The following RBM39 variants were observed in gnomAD, a reference collection of about 807,000 sequenced individuals.
The protein encoded by RBM39 is RNA binding motif protein 39, also known as RNA-binding protein 39.
A neutral mutation model predicts 79.6 loss-of-function variants in RBM39; 12 were observed. The ratio of observed to expected loss-of-function variants is 0.15; its 90% CI spans 0.10 to 0.24. The LOEUF (loss-of-function observed/expected upper bound fraction) is 0.24, where lower values mean the gene tolerates loss of function less well. Ranked by LOEUF, RBM39 falls within the 10% of genes least tolerant of loss-of-function variation. The probability of loss-of-function intolerance (pLI) is 1.00; values close to 1 mark genes in which losing one functional copy is unlikely to be tolerated. For missense variants in RBM39, 243 were observed against 653.4 expected, an observed-to-expected ratio of 0.37 and a Z score of 6.85; for synonymous variants, 185 against 208.4, an observed-to-expected ratio of 0.89 and a Z score of 0.97.
Position 35,702,707 on chromosome 20 carries a change from G to C in RBM39, c.*1774C>G, listed in dbSNP as rs572348112. On this transcript the variant is annotated 3_prime_UTR_variant, in exon 17 of 17. Transcript: ENST00000253363. ...TCCCGGCACTTTGGGAGGCCAAGGC[G>C]GACAGATCACTTGAGGTCAGTGTGA... 1 of 152,252 alleles carries C rather than the reference G, an allele frequency of 6.6e-6. No homozygotes were observed. Among genetic ancestry groups the C allele is most frequent in the African/African-American group, 2.4e-5 (1 of 41,458 alleles). 9.4% of individuals were successfully genotyped at this position (152,252 alleles called of 1,614,324 possible).
At chr20:35,724,827 A>T (rs2038455054) in intron 7 of RBM39, 105 bp from the exon 8 acceptor site, 22 of 1,346,532 alleles carry the variant, frequency 1.6e-5, no homozygotes, top group East Asian at 2.4e-5. Context: ...AAATTTAATT[A>T]AAAAAGTAAA....
At chr20:35,737,966 T>G (rs2040138786) in intron 3 of RBM39, among the ~76,000 whole-genome samples, 1 of 148,766 alleles carries the variant, frequency 6.7e-6, no homozygotes, top group Non-Finnish European at 1.5e-5. Context: ...CCATTCTGGC[T>G]AACACGGTGA....
chr20:35,742,022 G>A lies in RBM39; in HGVS notation c.-95C>T, dbSNP rs2040604138. 2.0e-5 allele frequency: 5 copies of A among 250,072 alleles called. No individual in the cohort carries two copies. The highest frequency in any genetic ancestry group is 4.7e-5 in the African/African-American group (2 of 42,354). The allele number at this position is 250,072 out of a possible 1,614,324, so 15.5% of individuals were successfully genotyped here. A position where few individuals can be genotyped will look rare whatever the true frequency, so the allele number is the denominator to read the frequency against. ...TGCTGCTGCTGCTGCCGCCGCCGCC[G>A]CTTCTGTTGCTACTGTTAAGCCCCT... On this transcript the variant is annotated 5_prime_UTR_variant, in exon 1 of 17. Transcript: ENST00000253363.
chr20:35,715,841 GGT>G (rs1443946725), intron 10 of RBM39, among the ~76,000 whole-genome samples: 1 of 151,920 alleles, frequency 6.6e-6, no homozygotes, highest in East Asian at 1.9e-4. Flanking sequence ...AATAGGCGAG[GGT>G]CCTTGCTCTG....
In RBM39 at chr20:35,734,896, T is replaced by G. The variant is rs768073371; in HGVS notation, c.102-2761A>C. 3.2e-6 allele frequency: 5 copies of G among 1,557,852 alleles called. No homozygotes were observed. In the South Asian group the frequency reaches 6.1e-5, roughly 19 times the overall value. On this transcript the variant is annotated intron_variant, in intron 3 of 16. Coordinates refer to ENST00000253363, the MANE Select transcript of RBM39 (RefSeq NM_184234.3). ...CTAATAGTCAAATCCTGTTACAACT[T>G]AAAAGGGACTTTCCAAAGTCTTTAA... is the stretch of plus-strand genomic sequence containing the variant.
At position 35,703,277 on chromosome 20, in the gene RBM39, GTTAAGC is replaced by G. The variant is rs1229955347; in HGVS notation, c.*1198_*1203del. 1 of 152,138 alleles carries G rather than the reference GTTAAGC, an allele frequency of 6.6e-6. No homozygotes were observed. The highest frequency in any genetic ancestry group is 1.5e-5 in the Non-Finnish European group (1 of 68,024). 9.4% of individuals were successfully genotyped at this position (152,138 alleles called of 1,614,324 possible). A position where few individuals can be genotyped will look rare whatever the true frequency, so the allele number is the denominator to read the frequency against. On this transcript the variant is annotated 3_prime_UTR_variant, in exon 17 of 17. Coordinates refer to ENST00000253363, the MANE Select transcript of RBM39 (RefSeq NM_184234.3). The stretch of plus-strand genomic sequence containing the variant: ...AATCAATTTTGGAAACCAGTTTGAA[GTTAAGC>G]CATTTTGTTAAGTATGTATTGTAAA...
rs1376219194 is a variant in RBM39 at position 35,714,406 on chromosome 20, G to A, written c.892-17C>T. On this transcript the variant is annotated splice_polypyrimidine_tract_variant and intron_variant, in intron 10 of 16. Coordinates refer to ENST00000253363, the MANE Select transcript of RBM39 (RefSeq NM_184234.3). ...GTCAGAAAACTACATGATAGGGGAG[G>A]CAAGGACAGGAGACAGTGCTTTAAT... 1.2e-6 allele frequency: 2 copies of A among 1,611,692 alleles called. No homozygotes were observed. Among genetic ancestry groups the A allele is most frequent in the East Asian group, 2.2e-5 (1 of 44,808 alleles).
Position 35,735,920 on chromosome 20 carries a change from T to C in RBM39, c.101+3048A>G, listed in dbSNP as rs577215462. On this transcript the variant is annotated intron_variant, in intron 3 of 16. Coordinates refer to ENST00000253363, the MANE Select transcript of RBM39 (RefSeq NM_184234.3). ...CGAATATCACACATGGAGAACTTGATGCTCAGCTTCCTTGTAAAAGCTTGT... is the reference window on the plus strand; with the variant it reads ...CGAATATCACACATGGAGAACTTGACGCTCAGCTTCCTTGTAAAAGCTTGT... 3.2e-4 allele frequency among the ~76,000 whole-genome samples: 48 copies of C among 152,338 alleles called. No homozygotes were observed. In the South Asian group the frequency reaches 9.9e-3, roughly 32 times the overall value.
At chr20:35,708,899 G>C (rs2036074698) in intron 13 of RBM39, 1 of 216,192 alleles carries the variant, frequency 4.6e-6, no homozygotes, top group Non-Finnish European at 9.1e-6. Flanking sequence ...GTTAATAAGA[G>C]AATACTTCAT....
chr20:35,715,920 A>C (rs1283700539), intron 10 of RBM39, among the ~76,000 whole-genome samples: 6 of 152,088 alleles, frequency 3.9e-5, no homozygotes, highest in Admixed American at 3.9e-4. Flanking sequence ...TGCTCCTCCA[A>C]GCAATAACAA....
chr20:35,707,911 A>G (rs775002722), intron 13 of RBM39: 1 of 467,516 alleles, frequency 2.1e-6, no homozygotes, highest in Non-Finnish European at 4.4e-6. Context: ...ATTTACAAAA[A>G]TATTACCAGT....
At chr20:35,705,996 G>A (rs982686801) in intron 14 of RBM39, among the ~76,000 whole-genome samples, 3 of 152,146 alleles carry the variant, frequency 2.0e-5, no homozygotes, top group African/African-American at 7.2e-5. Flanking sequence ...GAGGTCAGGA[G>A]TTCAAGACCA....
intron 3 of RBM39, chr20:35,736,409 C>A: frequency 3.3e-6 from 1 of 305,576 alleles, no homozygotes; most frequent in Non-Finnish European, 6.9e-6. Context: ...AATCCATTAC[C>A]ACATTATTTT....
At chr20:35,732,266 T>C in intron 3 of RBM39, 131 bp from the exon 4 acceptor site, 1 of 741,416 alleles carries the variant, frequency 1.3e-6, no homozygotes, top group Non-Finnish European at 2.1e-6. Flanking sequence ...GATACAATGG[T>C]ACATAATCAT....
In RBM39 at chr20:35,708,404, A is replaced by T. The variant is rs73618513; in HGVS notation, c.1225+820T>A. ...GATTATATACTATGAATACTAAAAA[A>T]TATTAAGAAAACGTACTATACAAAC... On this transcript the variant is annotated intron_variant, in intron 13 of 16. Transcript: ENST00000253363. Among the ~76,000 whole-genome samples the T allele has an allele frequency of 3.0e-3, 460 of 152,262 alleles. 3 individuals are homozygous for T. In the East Asian group the frequency reaches 0.04, roughly 13 times the overall value.
chr20:35,701,746 T>A lies in RBM39; in HGVS notation c.*2735A>T, dbSNP rs1050140739. 4.6e-5 allele frequency: 7 copies of A among 152,176 alleles called. No homozygotes were observed. The highest frequency in any genetic ancestry group is 1.7e-4 in the African/African-American group (7 of 41,510). 9.4% of individuals were successfully genotyped at this position (152,176 alleles called of 1,614,324 possible). A position where few individuals can be genotyped will look rare whatever the true frequency, so the allele number is the denominator to read the frequency against. On this transcript the variant is annotated 3_prime_UTR_variant, in exon 17 of 17. Transcript: ENST00000253363. ...TCCAGCCTGGGCGACAGAGCGAGAC[T>A]CTGTCTCAAAACAAAAAAAATTTGT...
intron 1 of RBM39, among the ~76,000 whole-genome samples, chr20:35,741,150 TCA>T (rs1228891743): frequency 6.9e-6 from 1 of 144,966 alleles, no homozygotes; most frequent in African/African-American, 2.6e-5. Flanking sequence ...TCCTACCACC[TCA>T]CCTCCCGAAT....
At chr20:35,715,320 G>A (rs368854971) in intron 10 of RBM39, among the ~76,000 whole-genome samples, 5 of 151,984 alleles carry the variant, frequency 3.3e-5, no homozygotes, top group African/African-American at 1.2e-4. Flanking sequence ...GATTATAGGC[G>A]CCCGCCACCA....
chr20:35,721,482 C>A (rs1004688823), intron 9 of RBM39, among the ~76,000 whole-genome samples: 1 of 152,202 alleles, frequency 6.6e-6, no homozygotes, highest in African/African-American at 2.4e-5. Context: ...AGCCACCATG[C>A]CCAGCCAATG....
Sources: allele counts gnomAD v4.1 joint callset (sites outside exome capture counted in the v4.1 genomes callset), GRCh38; gene constraint gnomAD v4.1.1; transcripts MANE v1.5; gene names NCBI Gene and HGNC (gene_info 2026-07-23, HGNC 2026-07-21).